Variants in MYH7B observed in about 807,000 individuals in gnomAD.
MYH7B encodes myosin-7B.
In MYH7B, 205 loss-of-function variants were observed where a neutral mutation model predicts 234.5. The ratio of observed to expected loss-of-function variants is 0.87; its 90% CI spans 0.78 to 0.98. The LOEUF (loss-of-function observed/expected upper bound fraction) is 0.98, where lower values mean the gene tolerates loss of function less well. Among genes scored for constraint, MYH7B ranks in the 50% least tolerant of loss-of-function variants. The probability of loss-of-function intolerance (pLI) is 0.00; values close to 1 mark genes in which losing one functional copy is unlikely to be tolerated. For synonymous variants in MYH7B, 1,193 were observed against 1,105.0 expected (o/e 1.08, Z -1.58); for missense variants, 2,652 against 2,633.4 (o/e 1.01, Z -0.15).
intron 36 of MYH7B, 56 bp downstream of exon 36, chr20:34,999,461 GA>G (rs1474648679): frequency 6.6e-7 from 1 of 1,522,634 alleles, no homozygotes; most frequent in African/African-American, 1.4e-5. Context: ...GAGCAACTTT[GA>G]GTTATGGGGG....
At chr20:34,965,970 A>C (rs753780977) in intron 2 of MYH7B, among the ~76,000 whole-genome samples, 3 of 152,176 alleles carry the variant, frequency 2.0e-5, no homozygotes, top group Non-Finnish European at 2.9e-5. Context: ...TCTATAGCCA[A>C]CATGTTTAAA....
At chr20:34,977,862 C>T (rs17310782) in intron 4 of MYH7B, 72 bp from the exon 5 acceptor site, 436,308 of 1,585,958 alleles carry the variant, frequency 0.28, 62,503 homozygotes, top group Non-Finnish European at 0.3. Flanking sequence ...CAGAGGGAGT[C>T]GCCTAGTATC....
At chr20:34,977,411 C>T (rs2081872097) in intron 3 of MYH7B, among the ~76,000 whole-genome samples, 1 of 152,094 alleles carries the variant, frequency 6.6e-6, no homozygotes. Context: ...CTCTTACTGC[C>T]TTGTCCCTGT....
At position 34,979,388 on chromosome 20, in the gene MYH7B, A is replaced by C; in HGVS notation, c.92-2A>C. 1.2e-6 allele frequency: 2 copies of C among 1,611,170 alleles called. No homozygotes were observed. The highest frequency in any genetic ancestry group is 1.7e-6 in the Non-Finnish European group (2 of 1,178,406). ...GAGTCCAGAGCTCTCTCTGCAACCC[A>C]GGGAAGAAGCGAGTCTGGGTGCCTG... On this transcript the variant is annotated splice_acceptor_variant, in intron 5 of 44. Coordinates refer to ENST00000262873, the Ensembl canonical transcript of MYH7B. LOFTEE classifies it high-confidence loss of function.
chr20:34,981,169 C>A, intron 9 of MYH7B, 109 bp downstream of exon 9: 1 of 1,361,372 alleles, frequency 7.3e-7, no homozygotes, highest in Non-Finnish European at 1.0e-6. Flanking sequence ...TAGGCCAGGA[C>A]TTTTACCACC....
Position 35,001,940 on chromosome 20 carries a change from G to T in MYH7B, c.5677-8G>T, listed in dbSNP as rs890033879. The T allele has an allele frequency of 6.2e-7, 1 of 1,610,930 alleles. No individual in the cohort carries two copies. The highest frequency in any genetic ancestry group is 8.5e-7 in the Non-Finnish European group (1 of 1,178,298). ...CAAGCGGAACCAAGGCCCTGTGTGTGCCCCCAGGAGCAGCAGGCCAACACC... is the reference window on the plus strand; with the variant it reads ...CAAGCGGAACCAAGGCCCTGTGTGTTCCCCCAGGAGCAGCAGGCCAACACC... On this transcript the variant is annotated splice_region_variant and splice_polypyrimidine_tract_variant and intron_variant, in intron 43 of 44. Coordinates refer to ENST00000262873, the Ensembl canonical transcript of MYH7B.
exon 17 of MYH7B, chr20:34,987,612 C>A (rs770158519): frequency 2.5e-6 from 4 of 1,614,104 alleles, no homozygotes; most frequent in South Asian, 2.2e-5. Flanking sequence ...TCCTCAAAGG[C>A]CTTTTGCACC....
chr20:34,986,016 A>G, intron 13 of MYH7B, 84 bp from the exon 14 acceptor site: 2 of 1,208,534 alleles, frequency 1.7e-6, no homozygotes, highest in Non-Finnish European at 2.4e-6. Context: ...CTCCCTGCCC[A>G]CCTCTCTCCC....
chr20:34,965,330 C>G (rs777044095), intron 2 of MYH7B, among the ~76,000 whole-genome samples: 1 of 152,246 alleles, frequency 6.6e-6, no homozygotes, highest in Non-Finnish European at 1.5e-5. Context: ...TCCACTAGAG[C>G]AAAGAAAAGA....
intron 9 of MYH7B, chr20:34,981,854 GAAA>G (rs55752676): frequency 2.4e-4 from 16 of 65,956 alleles, no homozygotes; most frequent in East Asian, 1.6e-3. Flanking sequence ...TCCATCTCAC[GAAA>G]AAAAAAAAAA....
intron 2 of MYH7B, among the ~76,000 whole-genome samples, chr20:34,974,804 G>T (rs934858570): frequency 6.6e-6 from 1 of 152,170 alleles, no homozygotes; most frequent in African/African-American, 2.4e-5. Flanking sequence ...GGTTTGGTTC[G>T]TTCACTTACT....
chr20:34,969,234 C>T (rs2081770666), intron 2 of MYH7B, among the ~76,000 whole-genome samples: 1 of 152,186 alleles, frequency 6.6e-6, no homozygotes, highest in African/African-American at 2.4e-5. Context: ...CTCACCCAGG[C>T]CCCTCACCAC....
chr20:35,002,030 C>T (rs762950642), exon 44 of MYH7B: 7 of 1,613,926 alleles, frequency 4.3e-6, no homozygotes, highest in Admixed American at 1.7e-5. Context: ...GCAGACATGG[C>T]GGAAACCCAG....
exon 35 of MYH7B, chr20:34,998,796 G>A (rs1444546038): frequency 6.2e-7 from 1 of 1,613,270 alleles, no homozygotes; most frequent in Non-Finnish European, 8.5e-7. Flanking sequence ...ACGAGGAGGA[G>A]GCTGAGGCCC....
chr20:34,999,664 G>A (rs2082330174), exon 37 of MYH7B: 2 of 1,613,738 alleles, frequency 1.2e-6, no homozygotes, highest in South Asian at 1.1e-5. Flanking sequence ...GGCGAGAAGA[G>A]TGAGATCCAG....
intron 2 of MYH7B, among the ~76,000 whole-genome samples, chr20:34,967,027 G>A (rs550354415): frequency 6.6e-5 from 10 of 151,792 alleles, no homozygotes; most frequent in African/African-American, 1.9e-4. Context: ...TCAGGAGTTC[G>A]AGACCAGCCT....
intron 2 of MYH7B, among the ~76,000 whole-genome samples, chr20:34,962,241 TAATG>T (rs1294302000): frequency 6.6e-6 from 1 of 152,104 alleles, no homozygotes; most frequent in Non-Finnish European, 1.5e-5. Context: ...ATAATTATAA[TAATG>T]CTGCTATGAA....
chr20:35,000,196 T>C (rs2082342842), intron 38 of MYH7B, 97 bp from the exon 39 acceptor site: 2 of 1,416,848 alleles, frequency 1.4e-6, no homozygotes, highest in Non-Finnish European at 1.9e-6. Context: ...GTGACTCATT[T>C]GTTCTCAAAA....
rs375916720 is a variant in MYH7B, at chr20:34,985,114, G to A, written c.790G>A (p.Ala264Thr). The A allele has an allele frequency of 1.4e-5, 22 of 1,613,936 alleles. No homozygotes were observed. The highest frequency in any genetic ancestry group is 3.3e-5 in the Admixed American group (2 of 60,000). Residue 264 changes from alanine to threonine, a missense_variant, in exon 13 of 45, where the codon GCG becomes ACG. Coordinates refer to ENST00000262873, the Ensembl canonical transcript of MYH7B. ...TGGTCCCTCTGGGAAGCTGGCATCC[G>A]CGGATATTGACAGCTGTGAGTCAAC...
Sources: allele counts gnomAD v4.1 joint callset (sites outside exome capture counted in the v4.1 genomes callset), GRCh38; gene constraint gnomAD v4.1.1; transcripts MANE v1.5; gene names NCBI Gene and HGNC (gene_info 2026-07-23, HGNC 2026-07-21).